Variants in RYR3 observed in about 807,000 individuals in gnomAD.
RYR3 encodes the protein ryanodine receptor 3.
Under a neutral mutation model 584.3 loss-of-function variants are expected in RYR3, and 207 were observed. That is an observed-to-expected ratio of 0.35 (90% CI 0.32 to 0.40). RYR3 has a LOEUF of 0.40. RYR3 is among the 10% of genes least tolerant of loss of function. The probability of loss-of-function intolerance (pLI) is 1.00; values close to 1 mark genes in which losing one functional copy is unlikely to be tolerated. For synonymous variants in RYR3, 2,416 were observed against 2,248.5 expected (o/e 1.07, Z -2.11); for missense variants, 5,616 against 6,089.2 (o/e 0.92, Z 2.59).
chr15:33,425,901 CA>C (rs2044615504), intron 1 of RYR3, among the ~76,000 whole-genome samples: 1 of 152,138 alleles, frequency 6.6e-6, no homozygotes, highest in Non-Finnish European at 1.5e-5. Context: ...CTTGGCCTCC[CA>C]AAGTGCTCGG....
In RYR3 at chr15:33,379,643, A is replaced by ATGTG. The variant is rs147989530; in HGVS notation, c.51+68565_51+68568dup. 6.2e-4 allele frequency among the ~76,000 whole-genome samples: 82 copies of ATGTG among 133,248 alleles called. 1 individual carries two copies. The highest frequency in any genetic ancestry group is 5.8e-3 in the East Asian group (28 of 4,802). 87.4% of individuals were successfully genotyped at this position (133,248 alleles called of 152,430 possible). A position where few individuals can be genotyped will look rare whatever the true frequency, so the allele number is the denominator to read the frequency against. ...GAACCAATAGGATATATTTATGTGT[A>ATGTG]TGTGTGTGTGTGTGTGTGTGTCCCT... On this transcript the variant is annotated intron_variant, in intron 1 of 103. Coordinates refer to ENST00000634891, the MANE Select transcript of RYR3 (RefSeq NM_001036.6).
chr15:33,542,068 T>A (rs1302084890), intron 7 of RYR3, among the ~76,000 whole-genome samples: 1 of 152,206 alleles, frequency 6.6e-6, no homozygotes, highest in Non-Finnish European at 1.5e-5. Context: ...AAGGTCCTTA[T>A]AGAAGTGTTG....
At position 33,854,781 on chromosome 15, in the gene RYR3, G is replaced by A; in HGVS notation, c.13876G>A (p.Ala4626Thr). Reference protein sequence around the residue: ...VFTDNSFLYLAWYTTMSVLGH... With the variant: ...VFTDNSFLYLTWYTTMSVLGH... The stretch of plus-strand genomic sequence containing the variant: ...CCATTCCCAGTCCTTTCTCTACCTT[G>A]CCTGGTATACAACCATGTCAGTCCT... The change falls in exon 98 of 104, where the codon GCC becomes ACC. Residue 4626 changes from alanine (A) to threonine (T), a missense_variant. Coordinates refer to ENST00000634891, the MANE Select transcript of RYR3 (RefSeq NM_001036.6). 1 of 1,609,140 alleles carries A rather than the reference G, an allele frequency of 6.2e-7. No individual in the cohort carries two copies. Among genetic ancestry groups the A allele is most frequent in the Non-Finnish European group, 8.5e-7 (1 of 1,178,448 alleles).
intron 67 of RYR3, among the ~76,000 whole-genome samples, chr15:33,794,308 T>TATATATG (rs1449380214): frequency 5.8e-3 from 188 of 32,604 alleles, no homozygotes; most frequent in South Asian, 0.016. Flanking sequence ...TATATATATT[T>TATATATG]TTATATATAT....
chr15:33,738,691 C>G (rs1010455458), intron 50 of RYR3, 101 bp downstream of exon 50: 1 of 1,320,032 alleles, frequency 7.6e-7, no homozygotes, highest in Non-Finnish European at 1.1e-6. Flanking sequence ...TTGCCAGGAC[C>G]TGTGCTAAGT....
intron 38 of RYR3, among the ~76,000 whole-genome samples, chr15:33,686,646 C>G (rs556429705): frequency 2.2e-4 from 33 of 152,250 alleles, no homozygotes; most frequent in Non-Finnish European, 4.0e-4. Flanking sequence ...TAGACCAATA[C>G]CCCTGATGAA....
At chr15:33,424,221 T>C (rs1481455996) in intron 1 of RYR3, among the ~76,000 whole-genome samples, 3 of 152,170 alleles carry the variant, frequency 2.0e-5, no homozygotes, top group Non-Finnish European at 4.4e-5. Context: ...GACAAGTCAG[T>C]TAATCTCAGT....
chr15:33,526,816 A>G (rs935240907), intron 3 of RYR3, among the ~76,000 whole-genome samples: 1 of 152,218 alleles, frequency 6.6e-6, no homozygotes. Flanking sequence ...GAATAAATTC[A>G]TATTAAAAAT....
chr15:33,543,797 A>G, intron 8 of RYR3, 82 bp downstream of exon 8: 1 of 934,486 alleles, frequency 1.1e-6, no homozygotes, highest in Non-Finnish European at 1.8e-6. Flanking sequence ...GTATTTAGCC[A>G]TATATGAACT....
chr15:33,773,323 T>C (rs3829480), intron 63 of RYR3, among the ~76,000 whole-genome samples: 54,986 of 152,044 alleles, frequency 0.36, 10,297 homozygotes, highest in East Asian at 0.46. Context: ...GAACTGGGAT[T>C]GCTCAGTGGA....
At chr15:33,598,766 G>A (rs1231621569) in intron 16 of RYR3, among the ~76,000 whole-genome samples, 1 of 151,698 alleles carries the variant, frequency 6.6e-6, no homozygotes, top group Non-Finnish European at 1.5e-5. Flanking sequence ...AAAAAAAATA[G>A]GAGTTGGCTG....
intron 11 of RYR3, 138 bp from the exon 12 acceptor site, chr15:33,566,540 C>G: frequency 1.1e-6 from 1 of 869,768 alleles, no homozygotes; most frequent in Non-Finnish European, 1.9e-6. Flanking sequence ...TCGCTAATGT[C>G]CCATTCTCAA....
chr15:33,458,604 A>C (rs1366632606), intron 1 of RYR3, among the ~76,000 whole-genome samples: 1 of 152,188 alleles, frequency 6.6e-6, no homozygotes, highest in African/African-American at 2.4e-5. Context: ...TTCTCAGTTC[A>C]TTGTAAGTTC....
chr15:33,394,863 G>C (rs544378042), intron 1 of RYR3, among the ~76,000 whole-genome samples: 1 of 152,104 alleles, frequency 6.6e-6, no homozygotes, highest in Non-Finnish European at 1.5e-5. Flanking sequence ...GAGATGAATG[G>C]AAATAAATTT....
chr15:33,677,661 G>A (rs1403814182), intron 38 of RYR3, among the ~76,000 whole-genome samples: 1 of 152,186 alleles, frequency 6.6e-6, no homozygotes, highest in Non-Finnish European at 1.5e-5. Context: ...TGTCAGATAT[G>A]GGTATCTGTA....
rs1263572825 is a variant in RYR3 at position 33,857,786 on chromosome 15, C to T, written c.14014C>T (p.Leu4672=). The change falls in exon 99 of 104, where the codon CTG becomes TTG. Residue 4672 remains leucine, a synonymous_variant. Coordinates refer to ENST00000634891, the MANE Select transcript of RYR3 (RefSeq NM_001036.6). ...SVTHNGKQLV[L]TVGLLAVVVY... is the part of the protein sequence containing the mutation. ...TCTGTCCTCTCATTCCCAGTTGGTTCTGACTGTCGGTCTCCTGGCCGTGGT... is the reference window on the plus strand; with the variant it reads ...TCTGTCCTCTCATTCCCAGTTGGTTTTGACTGTCGGTCTCCTGGCCGTGGT... 6.2e-7 allele frequency: 1 copy of T among 1,613,904 alleles called. No individual in the cohort carries two copies. Among genetic ancestry groups the T allele is most frequent in the Non-Finnish European group, 8.5e-7 (1 of 1,179,892 alleles).
chr15:33,534,086 A>G (rs1367727605), intron 5 of RYR3, among the ~76,000 whole-genome samples: 2 of 152,226 alleles, frequency 1.3e-5, no homozygotes, highest in Non-Finnish European at 1.5e-5. Flanking sequence ...TTTATTTGAA[A>G]GCATCAGAAG....
chr15:33,697,836 A>G (rs371498434), intron 39 of RYR3, 46 bp from the exon 40 acceptor site: 3 of 1,192,930 alleles, frequency 2.5e-6, no homozygotes, highest in Middle Eastern at 1.9e-4. Context: ...TTTTCATAGC[A>G]TATAAATAAG....
intron 50 of RYR3, among the ~76,000 whole-genome samples, chr15:33,738,958 C>T (rs1465319183): frequency 1.3e-5 from 2 of 152,132 alleles, no homozygotes; most frequent in Non-Finnish European, 2.9e-5. Context: ...AGGCTCGAGC[C>T]AAGAGGAAAA....
Sources: gnomAD v4.1 joint callset for allele counts (sites outside exome capture counted in the v4.1 genomes callset) on GRCh38, gnomAD v4.1.1 for gene constraint, MANE v1.5 for transcripts, NCBI Gene and HGNC (gene_info 2026-07-23, HGNC 2026-07-21) for gene names.